EMP2: variants seen among roughly 807,000 people sequenced by gnomAD.
EMP2 encodes epithelial membrane protein 2.
EMP2 carries 19 observed loss-of-function variants against 13.7 expected under a neutral mutation model. That is an observed-to-expected ratio of 1.38 (90% CI 0.97 to 2.03). The LOEUF is 2.03. EMP2 is among the 30% of genes most tolerant of loss of function. The pLI is 0.00. For synonymous variants in EMP2, 97 were observed against 84.7 expected (o/e 1.15, Z -0.80); for missense variants, 253 against 220.7 (o/e 1.15, Z -0.93).
At chr16:10,547,729 T>C (rs994661390) in intron 1 of EMP2, 52 bp from the exon 2 acceptor site, 4 of 1,091,450 alleles carry the variant, frequency 3.7e-6, no homozygotes, top group South Asian at 3.0e-5. Flanking sequence ...CAAAACAAAA[T>C]TACAATAAAA....
intron 1 of EMP2, among the ~76,000 whole-genome samples, chr16:10,567,583 A>G (rs1406750740): frequency 6.6e-6 from 1 of 152,180 alleles, no homozygotes; most frequent in Admixed American, 6.5e-5. Context: ...AGGAAGCTCA[A>G]GGTAAGGCCA....
In EMP2 at chr16:10,562,668, TG is replaced by T. The variant is rs144042146; in HGVS notation, c.-60-14992del. On this transcript the variant is annotated intron_variant, in intron 1 of 4. Coordinates refer to ENST00000359543, the MANE Select transcript of EMP2 (RefSeq NM_001424.6). ...TATTTTAAGCCATTACATTCTGGGG[TG>T]GTTTGTTACCCAGCAAGAGCTAACT... Among the ~76,000 whole-genome samples, 366 of 152,276 alleles carry T rather than the reference TG, an allele frequency of 2.4e-3. 4 individuals carry two copies. The highest frequency in any genetic ancestry group is 4.1e-3 in the East Asian group (21 of 5,184).
intron 1 of EMP2, among the ~76,000 whole-genome samples, chr16:10,549,887 T>C (rs976858887): frequency 1.6e-4 from 22 of 137,046 alleles, no homozygotes; most frequent in East Asian, 6.0e-4. Context: ...CTTTTTCTTT[T>C]TTTTTTTTTT....
intron 1 of EMP2, among the ~76,000 whole-genome samples, chr16:10,564,800 G>C (rs1193995396): frequency 2.0e-5 from 3 of 152,068 alleles, no homozygotes. Context: ...ATGTGGACAA[G>C]TAGGAGACAT....
At chr16:10,572,446 CA>C (rs373462569) in intron 1 of EMP2, among the ~76,000 whole-genome samples, 138 of 142,770 alleles carry the variant, frequency 9.7e-4, no homozygotes, top group Non-Finnish European at 1.1e-3. Context: ...GATCCTGTCT[CA>C]AAAAAAAAAA....
At position 10,538,247 on chromosome 16, in the gene EMP2, C is replaced by T. The variant is rs78387167; in HGVS notation, c.170-173G>A. Among the ~76,000 whole-genome samples, 22 of 152,278 alleles carry T rather than the reference C, an allele frequency of 1.4e-4. No homozygotes were observed. The East Asian group carries it at 4.3e-3, about 29-fold the overall frequency. On this transcript the variant is annotated intron_variant, in intron 3 of 4. Coordinates refer to ENST00000359543, the MANE Select transcript of EMP2 (RefSeq NM_001424.6). Reference sequence around the variant, plus strand: ...GGGCAGCCAAGGCGTCTTCCAGACCCCCTGCCCCTCACCTCCAGTGTCCAT... The same window carrying T: ...GGGCAGCCAAGGCGTCTTCCAGACCTCCTGCCCCTCACCTCCAGTGTCCAT...
chr16:10,560,669 T>C (rs928219420), intron 1 of EMP2, among the ~76,000 whole-genome samples: 1 of 152,130 alleles, frequency 6.6e-6, no homozygotes, highest in African/African-American at 2.4e-5. Context: ...TGGGAGACAC[T>C]TGTGGTGTGA....
intron 1 of EMP2, among the ~76,000 whole-genome samples, chr16:10,575,428 G>A (rs1165352633): frequency 3.3e-5 from 5 of 151,112 alleles, no homozygotes; most frequent in African/African-American, 1.2e-4. Context: ...TAATTTTTTT[G>A]TAATTTTAGT....
chr16:10,562,876 G>A (rs1192529348), intron 1 of EMP2, among the ~76,000 whole-genome samples: 1 of 152,142 alleles, frequency 6.6e-6, no homozygotes, highest in Non-Finnish European at 1.5e-5. Context: ...GCCTGACCCT[G>A]TCAATTAAAG....
intron 1 of EMP2, among the ~76,000 whole-genome samples, chr16:10,571,011 C>A (rs2050943092): frequency 6.6e-6 from 1 of 151,760 alleles, no homozygotes; most frequent in African/African-American, 2.4e-5. Context: ...GTAATCCCAG[C>A]ACTTTGGGAG....
chr16:10,553,587 G>C lies in EMP2; in HGVS notation c.-60-5910C>G, dbSNP rs112827016. Among the ~76,000 whole-genome samples, 1,263 of 151,976 alleles carry C rather than the reference G, an allele frequency of 8.3e-3. 21 individuals are homozygous for C. The highest frequency in any genetic ancestry group is 0.029 in the African/African-American group (1,207 of 41,480). On this transcript the variant is annotated intron_variant, in intron 1 of 4. Transcript: ENST00000359543. ...GTAGGGGACAAGAGTGTGGAGCTGG[G>C]AGCTCCAGCAAGCTCCTTTGGCCAC... is the stretch of plus-strand genomic sequence containing the variant.
intron 4 of EMP2, 21 bp downstream of exon 4, chr16:10,537,907 G>A (rs1191128766): frequency 6.2e-7 from 1 of 1,608,960 alleles, no homozygotes; most frequent in Non-Finnish European, 8.5e-7. Context: ...CCTTGTTAGG[G>A]AAGCCCGTTG....
chr16:10,533,812 G>C (rs1005888972), intron 4 of EMP2, among the ~76,000 whole-genome samples: 1 of 152,050 alleles, frequency 6.6e-6, no homozygotes, highest in Non-Finnish European at 1.5e-5. Context: ...AAAACCTTCA[G>C]TGAAAAATAT....
At chr16:10,554,932 G>A (rs1284118557) in intron 1 of EMP2, among the ~76,000 whole-genome samples, 1 of 152,024 alleles carries the variant, frequency 6.6e-6, no homozygotes, top group Non-Finnish European at 1.5e-5. Flanking sequence ...CATCCCCCTA[G>A]TTTATTTTCT....
intron 1 of EMP2, among the ~76,000 whole-genome samples, chr16:10,576,340 T>G (rs2050983903): frequency 6.6e-6 from 1 of 152,176 alleles, no homozygotes; most frequent in African/African-American, 2.4e-5. Context: ...TTTCTTAAAT[T>G]CATTGCATTT....
intron 1 of EMP2, among the ~76,000 whole-genome samples, chr16:10,577,563 A>G (rs1336070574): frequency 1.3e-5 from 2 of 151,898 alleles, no homozygotes. Flanking sequence ...TCACCACCAC[A>G]CCAATCCCCA....
intron 1 of EMP2, among the ~76,000 whole-genome samples, chr16:10,560,859 T>C (rs915283924): frequency 2.6e-5 from 4 of 152,158 alleles, no homozygotes; most frequent in Non-Finnish European, 5.9e-5. Context: ...GGCCCCAAGA[T>C]GGACCAGGAC....
intron 1 of EMP2, among the ~76,000 whole-genome samples, chr16:10,564,773 A>G (rs1317030857): frequency 6.6e-6 from 1 of 152,156 alleles, no homozygotes; most frequent in African/African-American, 2.4e-5. Context: ...AGGAAATGCA[A>G]ACAGGCAGCT....
chr16:10,552,018 G>A (rs1436068798), intron 1 of EMP2, among the ~76,000 whole-genome samples: 5 of 152,098 alleles, frequency 3.3e-5, no homozygotes, highest in Non-Finnish European at 7.4e-5. Flanking sequence ...CCAGCTTGGA[G>A]ATTCTTCTAA....
Sources: gnomAD v4.1 joint callset for allele counts (sites outside exome capture counted in the v4.1 genomes callset) on GRCh38, gnomAD v4.1.1 for gene constraint, MANE v1.5 for transcripts, NCBI Gene and HGNC (gene_info 2026-07-23, HGNC 2026-07-21) for gene names.